The following OBI1 variants were observed in gnomAD, a reference collection of about 807,000 sequenced individuals.
OBI1 encodes ORC ubiquitin ligase 1.
OBI1 carries 59 observed loss-of-function variants against 62.4 expected under a neutral mutation model. The ratio of observed to expected loss-of-function variants is 0.95; its 90% CI spans 0.77 to 1.17. The LOEUF is 1.17. Among genes scored for constraint, OBI1 ranks in the 50% most tolerant of loss-of-function variants. The pLI, the probability that OBI1 is intolerant of heterozygous loss-of-function variation, is 0.00. For missense variants in OBI1, 875 were observed against 830.9 expected (o/e 1.05, Z -0.65); for synonymous variants, 302 against 292.8 (o/e 1.03, Z -0.32).
At chr13:78,645,034 G>A (rs199664021) in intron 1 of OBI1, 37 bp from the exon 2 acceptor site, 177 of 1,567,380 alleles carry the variant, frequency 1.1e-4, no homozygotes, top group Admixed American at 3.4e-4. Context: ...ACAGGACAAC[G>A]GTCATAATTA....
chr13:78,648,279 A>ACACAC (rs1876444763), intron 1 of OBI1, among the ~76,000 whole-genome samples: 4 of 146,688 alleles, frequency 2.7e-5, no homozygotes, highest in East Asian at 2.0e-4. Context: ...ACTTCCCCCA[A>ACACAC]ACACACACAC....
chr13:78,639,018 G>A lies in OBI1; in HGVS notation c.354C>T (p.Leu118=), dbSNP rs147483635. Residue 118 remains leucine (L), a synonymous_variant, in exon 4 of 6, where the codon CTC becomes CTT. Coordinates refer to ENST00000282003, the MANE Select transcript of OBI1 (RefSeq NM_024546.4). ...KEVEELKSKN[L]SLESQIKTIL... ...TAGTTTTGATCTGTGACTCCAAGCT[G>A]AGATTTTTACTCTTAAGCTCTTCTA... 5 of 1,613,704 alleles carry A rather than the reference G, an allele frequency of 3.1e-6. No individual in the cohort carries two copies. In the African/African-American group the frequency reaches 6.7e-5, roughly 22 times the overall value.
intron 5 of OBI1, among the ~76,000 whole-genome samples, chr13:78,631,534 C>G (rs543371068): frequency 3.3e-4 from 50 of 152,244 alleles, no homozygotes; most frequent in African/African-American, 1.2e-3. Flanking sequence ...CCCTTGAGCT[C>G]TGAAGATCAA....
Position 78,644,989 on chromosome 13 carries a change from C to T in OBI1, c.81G>A (p.Gln27=). 5.6e-6 allele frequency: 9 copies of T among 1,609,202 alleles called. No individual in the cohort carries two copies. The highest frequency in any genetic ancestry group is 7.6e-6 in the Non-Finnish European group (9 of 1,178,534). ...CATGGTTGTTGATGCATATGACAGG[C>T]TGACGTACCTTTGAAAAAAGAAATC... is the stretch of plus-strand genomic sequence containing the variant. The part of the protein sequence containing the change: ...TCHICLGKVR[Q]PVICINNHVF... The change falls in exon 2 of 6, where the codon CAG becomes CAA. Residue 27 remains glutamine (Q), a synonymous_variant. Coordinates refer to ENST00000282003, the MANE Select transcript of OBI1 (RefSeq NM_024546.4).
At position 78,616,496 on chromosome 13, in the gene OBI1, T is replaced by C; in HGVS notation, c.1265A>G (p.His422Arg). 1 of 1,614,154 alleles carries C rather than the reference T, an allele frequency of 6.2e-7. No homozygotes were observed. Among genetic ancestry groups the C allele is most frequent in the Middle Eastern group, 1.6e-4 (1 of 6,062 alleles). Residue 422 changes from histidine (H) to arginine (R), a missense_variant, in exon 6 of 6, where the codon CAT becomes CGT. Coordinates refer to ENST00000282003, the MANE Select transcript of OBI1 (RefSeq NM_024546.4). Reference protein sequence around the residue: ...QAGGSKKHSNHLRKLVFDDFC... With the variant: ...QAGGSKKHSNRLRKLVFDDFC... ...ATCATCAAACACCAATTTTCTGAGA[T>C]GGTTTGAGTGCTTTTTGGAACCTCC...
intron 1 of OBI1, among the ~76,000 whole-genome samples, chr13:78,647,328 C>T (rs1876415331): frequency 6.6e-6 from 1 of 152,208 alleles, no homozygotes; most frequent in African/African-American, 2.4e-5. Context: ...GGTATAAAAC[C>T]CTACTGTACA....
chr13:78,650,484 T>A (rs539550996), intron 1 of OBI1, among the ~76,000 whole-genome samples: 1 of 152,324 alleles, frequency 6.6e-6, no homozygotes, highest in South Asian at 2.1e-4. Context: ...GGCATTAACA[T>A]CTATTCTATG....
intron 3 of OBI1, among the ~76,000 whole-genome samples, chr13:78,640,219 C>T (rs77990383): frequency 6.6e-6 from 1 of 151,650 alleles, no homozygotes; most frequent in Non-Finnish European, 1.5e-5. Flanking sequence ...AGTTTGTCCC[C>T]ACCTCATCCC....
At position 78,658,450 on chromosome 13, in the gene OBI1, G is replaced by C. The variant is rs543379907; in HGVS notation, c.72+599C>G. On this transcript the variant is annotated intron_variant, in intron 1 of 5. Transcript: ENST00000282003. ...CTATCTCCTGACTGACCCATTCTTG[G>C]AGTTAAAAGCCACACCTCTTATTCT... is the stretch of plus-strand genomic sequence containing the variant. Among the ~76,000 whole-genome samples, 8 of 152,288 alleles carry C rather than the reference G, an allele frequency of 5.3e-5. 1 individual carries two copies. The South Asian group carries it at 1.7e-3, about 32-fold the overall frequency.
chr13:78,629,658 G>A (rs1875786092), intron 5 of OBI1, among the ~76,000 whole-genome samples: 1 of 152,114 alleles, frequency 6.6e-6, no homozygotes, highest in African/African-American at 2.4e-5. Context: ...AGTAATTAAA[G>A]TCAAGGGAAT....
chr13:78,638,996 T>C lies in OBI1; in HGVS notation c.376A>G (p.Thr126Ala), dbSNP rs375765248. 14 of 1,613,844 alleles carry C rather than the reference T, an allele frequency of 8.7e-6. No individual in the cohort carries two copies. The African/African-American group carries it at 1.7e-4, about 20-fold the overall frequency. Residue 126 changes from threonine (T) to alanine (A), a missense_variant, in exon 4 of 6, where the codon ACT becomes GCT. Physicochemically the swap from Thr to Ala is moderately conservative, Grantham distance 58. Coordinates refer to ENST00000282003, the MANE Select transcript of OBI1 (RefSeq NM_024546.4). ...ACCAAGGTTAAAGGATCCAGAATAG[T>C]TTTGATCTGTGACTCCAAGCTGAGA... ...KNLSLESQIK[T>A]ILDPLTLVQG...
At chr13:78,619,319 C>A (rs1428160766) in intron 5 of OBI1, among the ~76,000 whole-genome samples, 2 of 118,418 alleles carry the variant, frequency 1.7e-5, no homozygotes, top group African/African-American at 4.3e-5. Context: ...TTGCCTCTCT[C>A]TCTCTATATA....
In OBI1 at chr13:78,615,646, T is replaced by A; in HGVS notation, c.2115A>T (p.Gln705His). Residue 705 changes from glutamine (Q) to histidine (H), a missense_variant, in exon 6 of 6, where the codon CAA (glutamine) becomes CAT (histidine). Coordinates refer to ENST00000282003, the MANE Select transcript of OBI1 (RefSeq NM_024546.4). ...TGCTCTGGATTTTTCTTTTTGTTGA[T>A]TGATTCACATTTTTATTCCTCTTTT... ...VPEKRNKNVN[Q>H]STKRKIQSSL... is the part of the protein sequence containing the mutation. The A allele has an allele frequency of 1.2e-6, 2 of 1,613,840 alleles. No homozygotes were observed. The highest frequency in any genetic ancestry group is 1.7e-4 in the Middle Eastern group (1 of 6,058).
intron 5 of OBI1, 162 bp from the exon 6 acceptor site, chr13:78,617,284 G>C (rs1875342881): frequency 7.9e-6 from 4 of 504,520 alleles, no homozygotes. Flanking sequence ...TCAAAAAATG[G>C]TTTCCCCACT....
At chr13:78,619,568 T>C (rs950420573) in intron 5 of OBI1, among the ~76,000 whole-genome samples, 4 of 152,096 alleles carry the variant, frequency 2.6e-5, no homozygotes, top group Non-Finnish European at 5.9e-5. Context: ...AAATCTATAA[T>C]ACTTTCAGTG....
At chr13:78,642,877 A>G (rs915518124) in intron 2 of OBI1, among the ~76,000 whole-genome samples, 17 of 140,350 alleles carry the variant, frequency 1.2e-4, no homozygotes, top group African/African-American at 4.3e-4. Context: ...ACAAAGCGAG[A>G]CTCCGTCTCA....
chr13:78,650,211 C>T (rs971019604), intron 1 of OBI1, among the ~76,000 whole-genome samples: 3 of 152,036 alleles, frequency 2.0e-5, no homozygotes, highest in Admixed American at 6.6e-5. Context: ...GAGACAGGGA[C>T]TGATGATAAC....
intron 5 of OBI1, among the ~76,000 whole-genome samples, chr13:78,630,216 A>C (rs1875802785): frequency 6.6e-6 from 1 of 152,010 alleles, no homozygotes; most frequent in Admixed American, 6.5e-5. Flanking sequence ...TTTTCATGTC[A>C]TGCCTTCATT....
At chr13:78,629,008 C>G (rs537260688) in intron 5 of OBI1, among the ~76,000 whole-genome samples, 16 of 152,168 alleles carry the variant, frequency 1.1e-4, no homozygotes, top group African/African-American at 3.9e-4. Context: ...TCTGATGGCT[C>G]AAAAAATACA....
Sources: gnomAD v4.1 joint callset for allele counts (sites outside exome capture counted in the v4.1 genomes callset) on GRCh38, gnomAD v4.1.1 for gene constraint, MANE v1.5 for transcripts, NCBI Gene and HGNC (gene_info 2026-07-23, HGNC 2026-07-21) for gene names.